Variants in PRIMPOL observed in about 807,000 individuals in gnomAD.
The protein encoded by PRIMPOL is primase and DNA directed polymerase.
PRIMPOL carries 54 observed loss-of-function variants against 63.6 expected under a neutral mutation model. That is an observed-to-expected ratio of 0.85 (90% CI 0.68 to 1.07). The LOEUF (loss-of-function observed/expected upper bound fraction) is 1.07. Ranked by LOEUF, PRIMPOL falls within the 50% of genes least tolerant of loss-of-function variation. PRIMPOL has a pLI of 0.00. For missense variants in PRIMPOL, 610 were observed against 648.3 expected, an observed-to-expected ratio of 0.94 and a Z score of 0.64; for synonymous variants, 197 against 220.2, an observed-to-expected ratio of 0.89 and a Z score of 0.93.
intron 6 of PRIMPOL, among the ~76,000 whole-genome samples, chr4:184,670,594 G>T (rs1751328609): frequency 6.7e-6 from 1 of 148,696 alleles, no homozygotes; most frequent in Non-Finnish European, 1.5e-5. Context: ...TGTCACCTAG[G>T]CTGGAGTGCA....
At position 184,668,939 on chromosome 4, in the gene PRIMPOL, G is replaced by A. The variant is rs979235268; in HGVS notation, c.556+2875G>A. Among the ~76,000 whole-genome samples the A allele has an allele frequency of 5.4e-5, 8 of 148,734 alleles. No individual in the cohort carries two copies. In the East Asian group the frequency reaches 8.1e-4, roughly 15 times the overall value. Reference sequence around the variant, plus strand: ...TTAAAAGCGATTATAAATACAAGTCGGCAGCCTCATCTCCCGCCACCCTGC... The same window carrying A: ...TTAAAAGCGATTATAAATACAAGTCAGCAGCCTCATCTCCCGCCACCCTGC... On this transcript the variant is annotated intron_variant, in intron 6 of 13. Transcript: ENST00000314970.
intron 13 of PRIMPOL, 49 bp downstream of exon 13, chr4:184,691,761 C>T (rs1275893313): frequency 7.1e-7 from 1 of 1,400,810 alleles, no homozygotes; most frequent in East Asian, 2.3e-5. Context: ...GTTCTTGGTA[C>T]AATAGTATAC....
At chr4:184,681,840 C>T (rs1450948764) in intron 8 of PRIMPOL, among the ~76,000 whole-genome samples, 1 of 152,166 alleles carries the variant, frequency 6.6e-6, no homozygotes, top group African/African-American at 2.4e-5. Context: ...TCCCAAAGTC[C>T]TGGGATTATA....
intron 11 of PRIMPOL, among the ~76,000 whole-genome samples, chr4:184,688,944 G>A (rs1030094199): frequency 1.2e-4 from 18 of 151,780 alleles, no homozygotes; most frequent in Middle Eastern, 6.8e-3. Flanking sequence ...GTTTATGTCC[G>A]AACAGTTTAG....
Position 184,680,741 on chromosome 4 carries a change from C to T in PRIMPOL, c.1008-1507C>T, listed in dbSNP as rs201249558. Among the ~76,000 whole-genome samples the T allele has an allele frequency of 4.6e-5, 7 of 152,028 alleles. No individual in the cohort carries two copies. The East Asian group carries it at 5.8e-4, about 13-fold the overall frequency. ...ACTAACACCTATCTTACGGAGTTGT[C>T]GAGAGGATTTAAAAAGTTAAAACTG... On this transcript the variant is annotated intron_variant, in intron 8 of 13. Coordinates refer to ENST00000314970, the MANE Select transcript of PRIMPOL (RefSeq NM_152683.4).
chr4:184,677,622 C>A lies in PRIMPOL; in HGVS notation c.845-610C>A, dbSNP rs1167335658. ...TTTGAAATTTCTTGGTAGTTATTGA[C>A]CTTTTGCACTTCCATTTAAATTTTA... On this transcript the variant is annotated intron_variant, in intron 7 of 13. Transcript: ENST00000314970. Among the ~76,000 whole-genome samples, 8 of 151,510 alleles carry A rather than the reference C, an allele frequency of 5.3e-5. No individual in the cohort carries two copies. The East Asian group carries it at 1.5e-3, about 29-fold the overall frequency.
intron 9 of PRIMPOL, 46 bp downstream of exon 9, chr4:184,682,382 A>T: frequency 1.9e-6 from 2 of 1,050,694 alleles, no homozygotes; most frequent in Admixed American, 3.5e-5. Context: ...AGCATCTCTC[A>T]TTGTCACCCA....
intron 4 of PRIMPOL, among the ~76,000 whole-genome samples, chr4:184,659,863 C>T (rs368294512): frequency 4.5e-4 from 69 of 152,144 alleles, no homozygotes; most frequent in African/African-American, 1.5e-3. Context: ...TCTTGTTGCC[C>T]AGACTGGTCT....
chr4:184,680,605 A>C (rs1213283402), intron 8 of PRIMPOL, among the ~76,000 whole-genome samples: 1 of 152,166 alleles, frequency 6.6e-6, no homozygotes, highest in Non-Finnish European at 1.5e-5. Context: ...AGGGTGGAAG[A>C]TGGATTGTTT....
At position 184,661,861 on chromosome 4, in the gene PRIMPOL, C is replaced by T. The variant is rs1287884606; in HGVS notation, c.366C>T (p.Asn122=). 1.9e-6 allele frequency: 3 copies of T among 1,613,546 alleles called. No individual in the cohort carries two copies. The highest frequency in any genetic ancestry group is 2.5e-6 in the Non-Finnish European group (3 of 1,179,662). The change falls in exon 5 of 14, where the codon AAC becomes AAT. Residue 122 remains asparagine, a synonymous_variant. Coordinates refer to ENST00000314970, the MANE Select transcript of PRIMPOL (RefSeq NM_152683.4). The part of the protein sequence containing the change: ...YFDLEFNKPA[N]PGADGKKMVA... ...ATTTGGAATTTAACAAACCTGCCAACCCAGGAGCTGATGGGAAAAAGATGG... is the reference window on the plus strand; with the variant it reads ...ATTTGGAATTTAACAAACCTGCCAATCCAGGAGCTGATGGGAAAAAGATGG...
At chr4:184,675,546 T>G (rs536546724) in intron 7 of PRIMPOL, among the ~76,000 whole-genome samples, 2 of 152,196 alleles carry the variant, frequency 1.3e-5, no homozygotes, top group East Asian at 3.9e-4. Context: ...TGAAAAAAAT[T>G]TGGCTCATGC....
At chr4:184,691,339 A>C in intron 11 of PRIMPOL, 160 bp from the exon 12 acceptor site, 1 of 527,718 alleles carries the variant, frequency 1.9e-6, no homozygotes, top group African/African-American at 1.9e-5. Flanking sequence ...ATTTTTGGCA[A>C]CCACCGTTTT....
At chr4:184,665,841 A>G (rs144375443) in intron 5 of PRIMPOL, 76 bp from the exon 6 acceptor site, 1,187 of 958,922 alleles carry the variant, frequency 1.2e-3, no homozygotes, top group Non-Finnish European at 1.7e-3. Context: ...GATGATATAT[A>G]AAGAGATGCT....
At chr4:184,671,123 C>T (rs1751486285) in intron 6 of PRIMPOL, among the ~76,000 whole-genome samples, 1 of 152,166 alleles carries the variant, frequency 6.6e-6, no homozygotes, top group Admixed American at 6.5e-5. Flanking sequence ...ACCAACTTTT[C>T]ATGGTACAGA....
At chr4:184,680,197 A>T (rs1579560942) in intron 8 of PRIMPOL, among the ~76,000 whole-genome samples, 2 of 150,996 alleles carry the variant, frequency 1.3e-5, no homozygotes, top group African/African-American at 2.4e-5. Flanking sequence ...TCTAAATATA[A>T]TTTTTTTTTT....
intron 11 of PRIMPOL, among the ~76,000 whole-genome samples, chr4:184,687,705 C>T (rs1291003318): frequency 6.6e-6 from 1 of 152,224 alleles, no homozygotes; most frequent in Non-Finnish European, 1.5e-5. Context: ...ACCTCTGTCT[C>T]CCGGGTTCAA....
intron 11 of PRIMPOL, among the ~76,000 whole-genome samples, chr4:184,688,978 A>G (rs1757725215): frequency 6.6e-6 from 1 of 152,160 alleles, no homozygotes; most frequent in African/African-American, 2.4e-5. Context: ...AATAGTATCC[A>G]TAAACTAAAA....
At position 184,666,030 on chromosome 4, in the gene PRIMPOL, C is replaced by T. The variant is rs764009179; in HGVS notation, c.522C>T (p.Leu174=). The change falls in exon 6 of 14, where the codon CTC becomes CTT. Residue 174 remains leucine, a synonymous_variant. Coordinates refer to ENST00000314970, the MANE Select transcript of PRIMPOL (RefSeq NM_152683.4). ...EKFSRHLIFQ[L]HDVAFKDNIH... ...TCAGCCGGCATTTAATATTTCAGCTCCATGATGTGGCATTTAAAGATAATA... is the reference window on the plus strand; with the variant it reads ...TCAGCCGGCATTTAATATTTCAGCTTCATGATGTGGCATTTAAAGATAATA... 3.1e-6 allele frequency: 5 copies of T among 1,608,122 alleles called. No homozygotes were observed. The highest frequency in any genetic ancestry group is 4.2e-6 in the Non-Finnish European group (5 of 1,177,360).
At chr4:184,671,472 A>T (rs1404239753) in intron 6 of PRIMPOL, among the ~76,000 whole-genome samples, 1 of 152,014 alleles carries the variant, frequency 6.6e-6, no homozygotes, top group Non-Finnish European at 1.5e-5. Flanking sequence ...ATGATCTCTT[A>T]AGGGCACGAG....
Sources: allele counts gnomAD v4.1 joint callset (sites outside exome capture counted in the v4.1 genomes callset), GRCh38; gene constraint gnomAD v4.1.1; transcripts MANE v1.5; gene names NCBI Gene and HGNC (gene_info 2026-07-23, HGNC 2026-07-21).